Variants in REL observed in about 807,000 individuals in gnomAD.
REL encodes the protein REL proto-oncogene, NF-kB subunit, also known as proto-oncogene c-Rel.
In REL, 15 loss-of-function variants were observed where a neutral mutation model predicts 45.9. The ratio of observed to expected loss-of-function variants is 0.33; its 90% confidence interval spans 0.22 to 0.50. The LOEUF is 0.50. Among genes scored for constraint, REL ranks in the 20% least tolerant of loss-of-function variants. REL has a pLI of 0.98. For synonymous variants in REL, 239 were observed against 242.1 expected (o/e 0.99, Z 0.12); for missense variants, 601 against 715.2 (o/e 0.84, Z 1.82).
rs1247551107 is a variant in REL at position 60,901,032 on chromosome 2, G to A, written c.343G>A (p.Val115Ile). 3.1e-6 allele frequency: 5 copies of A among 1,605,698 alleles called. No individual in the cohort carries two copies. The highest frequency in any genetic ancestry group is 2.3e-5 in the East Asian group (1 of 44,406). Residue 115 changes from valine (V) to isoleucine (I), a missense_variant, in exon 4 of 10, where the codon GTA becomes ATA. Val to Ile is a conservative substitution (Grantham distance 29, BLOSUM62 3). Around this residue, in one of 4 missense-constraint regions of REL, gnomAD observed 241 missense variants for 347.0 expected, o/e 0.69. Coordinates refer to ENST00000394479, the MANE Select transcript of REL (RefSeq NM_001291746.2). ...LGIRCVKKKE[V>I]KEAIITRIKA... is the part of the protein sequence containing the mutation. ...TATTCGATGTGTGAAGAAAAAAGAA[G>A]TAAAAGAAGCTATTATTACAAGAAT...
At position 60,924,026 on chromosome 2, in the gene REL, C is replaced by T; in HGVS notation, c.*1491C>T. The T allele has an allele frequency of 8.6e-6, 2 of 232,640 alleles. No individual in the cohort carries two copies. The highest frequency in any genetic ancestry group is 1.2e-4 in the East Asian group (2 of 16,524). The allele number at this position is 232,640 out of a possible 1,614,324, so 14.4% of individuals were successfully genotyped here. A position where few individuals can be genotyped will look rare whatever the true frequency, so the allele number is the denominator to read the frequency against. On this transcript the variant is annotated 3_prime_UTR_variant, in exon 10 of 10. Transcript: ENST00000394479. Reference sequence around the variant, plus strand: ...CTCCAGGCACCTTGGCCTCAGTGCTCCTCAAAGCATCAAGTATGCACTTGC... The same window carrying T: ...CTCCAGGCACCTTGGCCTCAGTGCTTCTCAAAGCATCAAGTATGCACTTGC...
rs746534505 is a variant in REL, at chr2:60,891,804, C to T, written c.132C>T (p.Asn44=). The T allele has an allele frequency of 1.8e-5, 29 of 1,613,618 alleles. No individual in the cohort carries two copies. The East Asian group carries it at 6.0e-4, about 33-fold the overall frequency. ...CAGGGGAGCACAGCACAGACAACAA[C>T]CGAACATACCCTTCTATCCAGGTAA... ...SIPGEHSTDN[N]RTYPSIQIMN... is the part of the protein sequence containing the mutation. Residue 44 remains asparagine, a synonymous_variant, in exon 2 of 10, where the codon AAC becomes AAT. Coordinates refer to ENST00000394479, the MANE Select transcript of REL (RefSeq NM_001291746.2).
At chr2:60,893,016 G>A (rs1021687397) in intron 2 of REL, among the ~76,000 whole-genome samples, 1 of 152,210 alleles carries the variant, frequency 6.6e-6, no homozygotes, top group African/African-American at 2.4e-5. Context: ...GTCTCCCAAA[G>A]TGCTGAGATT....
At chr2:60,906,133 T>C (rs1378970750) in intron 4 of REL, among the ~76,000 whole-genome samples, 6 of 152,148 alleles carry the variant, frequency 3.9e-5, no homozygotes, top group African/African-American at 1.4e-4. Context: ...TTGTGAGACT[T>C]ATTCACTACC....
chr2:60,891,549 G>A (rs1215352754), intron 1 of REL, 134 bp from the exon 2 acceptor site: 4 of 735,810 alleles, frequency 5.4e-6, no homozygotes, highest in East Asian at 3.0e-5. Flanking sequence ...ATAACATTTC[G>A]GTCTTGTTAT....
intron 3 of REL, chr2:60,899,559 C>G (rs908218202): frequency 7.2e-5 from 11 of 152,272 alleles, no homozygotes; most frequent in African/African-American, 2.4e-4. Flanking sequence ...ATTTTAGATG[C>G]TAGCAAAATT....
At chr2:60,901,916 A>G (rs891613971) in intron 4 of REL, among the ~76,000 whole-genome samples, 2 of 152,176 alleles carry the variant, frequency 1.3e-5, no homozygotes, top group Non-Finnish European at 2.9e-5. Context: ...AAGTATTTAT[A>G]CTTATGGTAC....
intron 1 of REL, among the ~76,000 whole-genome samples, chr2:60,889,190 C>T (rs1673144569): frequency 6.6e-6 from 1 of 152,128 alleles, no homozygotes; most frequent in African/African-American, 2.4e-5. Flanking sequence ...TTCCCTTTTC[C>T]CTAGAATACC....
In REL at chr2:60,921,847, C is replaced by G; in HGVS notation, c.1076C>G (p.Pro359Arg). 1 of 1,614,144 alleles carries G rather than the reference C, an allele frequency of 6.2e-7. No homozygotes were observed. The change falls in exon 10 of 10, where the codon CCT becomes CGT. Residue 359 changes from proline to arginine, a missense_variant. By Grantham distance (103) the Pro-to-Arg change is moderately radical. This residue lies in a region of REL where 334 missense variants were observed against 333.1 expected (regional missense o/e 1.00). Transcript: ENST00000394479. ...SSQAESYYPS[P>R]GPISSGLSHH... The stretch of plus-strand genomic sequence containing the variant: ...CAAGCAGAATCCTACTATCCCTCAC[C>G]TGGGCCCATCTCAAGTGGATTGTCA...
intron 2 of REL, 26 bp downstream of exon 2, chr2:60,891,851 T>C (rs375535288): frequency 6.0e-5 from 95 of 1,580,302 alleles, no homozygotes; most frequent in Admixed American, 4.5e-4. Context: ...TCTGTGTCTA[T>C]CTCACTATTA....
intron 4 of REL, among the ~76,000 whole-genome samples, chr2:60,902,091 A>C (rs1044723139): frequency 6.6e-6 from 1 of 152,206 alleles, no homozygotes; most frequent in Non-Finnish European, 1.5e-5. Flanking sequence ...TTAAATATGC[A>C]GAAGTCAGGA....
At chr2:60,906,909 A>ATTTTTTT (rs1291297864) in intron 4 of REL, among the ~76,000 whole-genome samples, 6 of 97,516 alleles carry the variant, frequency 6.2e-5, no homozygotes, top group Non-Finnish European at 1.3e-4. Flanking sequence ...ATATATATAT[A>ATTTTTTT]TATATTTTTT....
At chr2:60,882,283 C>G in intron 1 of REL, among the ~76,000 whole-genome samples, 1 of 152,212 alleles carries the variant, frequency 6.6e-6, no homozygotes, top group East Asian at 1.9e-4. Flanking sequence ...CCCCCTTGTA[C>G]TGACAGTTGT....
rs75612903 is a variant in REL, at chr2:60,925,712, A to G, written c.*3177A>G. On this transcript the variant is annotated 3_prime_UTR_variant, in exon 10 of 10. Coordinates refer to ENST00000394479, the MANE Select transcript of REL (RefSeq NM_001291746.2). ...GGTGGGGAGATTTTTTTTTTTTTTA[A>G]TACAGAATCTCATAGTTTTGGATTA... 3 of 193,910 alleles carry G rather than the reference A, an allele frequency of 1.5e-5. No individual in the cohort carries two copies. In the Admixed American group the frequency reaches 1.8e-4, roughly 12 times the overall value. The allele number at this position is 193,910 out of a possible 1,614,324, so 12.0% of individuals were successfully genotyped here. A position where few individuals can be genotyped will look rare whatever the true frequency, so the allele number is the denominator to read the frequency against.
chr2:60,905,747 C>T (rs554479035), intron 4 of REL, among the ~76,000 whole-genome samples: 175 of 152,130 alleles, frequency 1.2e-3, no homozygotes, highest in African/African-American at 4.0e-3. Flanking sequence ...GAAAAATACA[C>T]TTGGAAGAGG....
At chr2:60,912,097 T>C (rs994995199) in intron 4 of REL, among the ~76,000 whole-genome samples, 18 of 147,776 alleles carry the variant, frequency 1.2e-4, no homozygotes, top group Non-Finnish European at 2.7e-4. Flanking sequence ...GAACAGAATA[T>C]AGAAAAAGAA....
chr2:60,885,710 A>T (rs1268025330), intron 1 of REL, among the ~76,000 whole-genome samples: 1 of 152,112 alleles, frequency 6.6e-6, no homozygotes, highest in Non-Finnish European at 1.5e-5. Context: ...TATTTGGAAA[A>T]ATATATATTG....
chr2:60,917,367 T>G (rs1674003277), intron 5 of REL, among the ~76,000 whole-genome samples: 1 of 152,174 alleles, frequency 6.6e-6, no homozygotes, highest in South Asian at 2.1e-4. Context: ...TTCCTTTTAA[T>G]CACCTTATTC....
intron 4 of REL, among the ~76,000 whole-genome samples, chr2:60,906,913 ATTTT>A (rs1162627805): frequency 9.6e-6 from 1 of 104,306 alleles, no homozygotes; most frequent in East Asian, 2.3e-4. Context: ...ATATATATAT[ATTTT>A]TTTTTTTTTT....
Sources: allele counts gnomAD v4.1 joint callset (sites outside exome capture counted in the v4.1 genomes callset), GRCh38; gene constraint gnomAD v4.1.1; regional missense constraint gnomAD v4.1.1; transcripts MANE v1.5; gene names NCBI Gene and HGNC (gene_info 2026-07-23, HGNC 2026-07-21).